The following GREP1 variants were observed in gnomAD, a reference collection of about 807,000 sequenced individuals.
GREP1 encodes the protein glycine rich extracellular protein 1.
chr16:2,994,724 C>G (rs2072415744), exon 11 of GREP1: 1 of 399,094 alleles, frequency 2.5e-6, no homozygotes. Context: ...TGGCTATAGA[C>G]CAGGTAGGGG....
chr16:2,989,762 G>A lies in GREP1; in HGVS notation c.130+210G>A, dbSNP rs117096357. 9.0e-3 allele frequency among the ~76,000 whole-genome samples: 1,368 copies of A among 152,156 alleles called. 15 individuals carry two copies. The highest frequency in any genetic ancestry group is 0.03 in the South Asian group (145 of 4,818). ...GGCAGGCAGGAAGAAATGGAGCGGG[G>A]AGGGAAGAAAGGAAAGAGAGCAGAA... On this transcript the variant is annotated intron_variant, in intron 3 of 34. Transcript: ENST00000573315. The surrounding 1 kb of genome is among the most constrained non-coding windows in gnomAD (Gnocchi z 4.2).
chr16:2,994,498 A>G, intron 10 of GREP1, 200 bp from the exon 12 acceptor site: 2 of 386,596 alleles, frequency 5.2e-6, no homozygotes, highest in Non-Finnish European at 9.1e-6. Context: ...AACAAGAGCG[A>G]GACTCCATCT....
At position 2,991,252 on chromosome 16, in the gene GREP1, G is replaced by A; in HGVS notation, c.322+151G>A. On this transcript the variant is annotated intron_variant, in intron 8 of 34. Transcript: ENST00000573315. The surrounding 1 kb of genome is among the most constrained non-coding windows in gnomAD (Gnocchi z 4.9). ...TGTCCCTTCCCAGGCCTGGGAGTGG[G>A]CGTGAAACCTCCGAAGCCAGGTGAG... 2.5e-6 allele frequency: 1 copy of A among 396,844 alleles called. No homozygotes were observed. The highest frequency in any genetic ancestry group is 4.4e-6 in the Non-Finnish European group (1 of 225,398). 24.6% of individuals were successfully genotyped at this position (396,844 alleles called of 1,614,324 possible). A position where few individuals can be genotyped will look rare whatever the true frequency, so the allele number is the denominator to read the frequency against.
Position 2,994,937 on chromosome 16 carries a change from C to G in GREP1, c.459C>G (p.Tyr153Ter), listed in dbSNP as rs1270608501. 2.5e-6 allele frequency: 1 copy of G among 398,940 alleles called. No homozygotes were observed. The highest frequency in any genetic ancestry group is 2.1e-5 in the African/African-American group (1 of 48,578). The allele number at this position is 398,940 out of a possible 1,614,324, so 24.7% of individuals were successfully genotyped here. A position where few individuals can be genotyped will look rare whatever the true frequency, so the allele number is the denominator to read the frequency against. Residue 153 changes from tyrosine to a stop codon, truncating the protein, a stop_gained, in exon 13 of 35, where the codon TAC (tyrosine) becomes TAG (stop). Coordinates refer to ENST00000573315, the Ensembl canonical transcript of GREP1. LOFTEE classifies it high-confidence loss of function. Reference sequence around the variant, plus strand: ...GATCTATTCCCCCAGGATTCCAGTACAGAATTGGGCTGGGAGCCCAGCCAG... The same window carrying G: ...GATCTATTCCCCCAGGATTCCAGTAGAGAATTGGGCTGGGAGCCCAGCCAG...
intron 22 of GREP1, 144 bp from the exon 21 acceptor site, chr16:2,997,659 C>G (rs1474375062): frequency 1.5e-5 from 6 of 397,850 alleles, no homozygotes; most frequent in Middle Eastern, 6.2e-4. Context: ...CCATGCCGCC[C>G]CCACAGACCC....
intron 2 of GREP1, chr16:2,988,837 C>T: frequency 5.1e-6 from 2 of 394,634 alleles, no homozygotes; most frequent in Non-Finnish European, 8.9e-6. Context: ...GAACATGCAG[C>T]CCTGAGGACG....
chr16:2,989,741 G>A lies in GREP1; in HGVS notation c.130+189G>A, dbSNP rs1388683480. Among the ~76,000 whole-genome samples the A allele has an allele frequency of 6.6e-6, 1 of 152,062 alleles. No individual in the cohort carries two copies. The highest frequency in any genetic ancestry group is 6.5e-5 in the Admixed American group (1 of 15,276). ...CCCTGGCTGGGGAGAGGGGAAGGCA[G>A]GCAGGAAGAAATGGAGCGGGGAGGG... is the stretch of plus-strand genomic sequence containing the variant. On this transcript the variant is annotated intron_variant, in intron 3 of 34. Transcript: ENST00000573315. The surrounding 1 kb of genome is among the most constrained non-coding windows in gnomAD (Gnocchi z 4.2).
At chr16:2,999,364 C>T (rs959243818) in intron 27 of GREP1, 1 of 398,710 alleles carries the variant, frequency 2.5e-6, no homozygotes. Flanking sequence ...TAGGTCTATC[C>T]TCTGTCTCCA....
In GREP1 at chr16:2,999,072, G is replaced by T. The variant is rs879150423; in HGVS notation, c.1144+93G>T. ...GCTGCCATATCCCACTCTGTCCTCG[G>T]ATGCCAAGGCTCAGAGAGGGCAGTG... On this transcript the variant is annotated intron_variant, in intron 26 of 34. Coordinates refer to ENST00000573315, the Ensembl canonical transcript of GREP1. 3 of 398,568 alleles carry T rather than the reference G, an allele frequency of 7.5e-6. No homozygotes were observed. In the South Asian group the frequency reaches 4.0e-4, roughly 53 times the overall value. 24.7% of individuals were successfully genotyped at this position (398,568 alleles called of 1,614,324 possible).
intron 23 of GREP1, 21 bp from the exon 22 acceptor site, chr16:2,998,335 C>T (rs1027377472): frequency 1.0e-5 from 4 of 399,138 alleles, no homozygotes; most frequent in Non-Finnish European, 1.8e-5. Context: ...TCTGAACTGG[C>T]CTCTTTCTGT....
At position 2,989,893 on chromosome 16, in the gene GREP1, G is replaced by C. The variant is rs1435575010; in HGVS notation, c.131-81G>C. On this transcript the variant is annotated intron_variant, in intron 3 of 34. Transcript: ENST00000573315. The surrounding 1 kb of genome is among the most constrained non-coding windows in gnomAD (Gnocchi z 4.2). ...GGGACTGAGTTCCCACAGGCCCACT[G>C]CTTGGATAGGCTGTGGGCCAGGTGT... The C allele has an allele frequency of 7.5e-6, 3 of 398,820 alleles. No individual in the cohort carries two copies. Among genetic ancestry groups the C allele is most frequent in the African/African-American group, 6.2e-5 (3 of 48,608 alleles). 24.7% of individuals were successfully genotyped at this position (398,820 alleles called of 1,614,324 possible).
intron 22 of GREP1, chr16:2,997,427 G>T: frequency 2.5e-6 from 1 of 398,968 alleles, no homozygotes; most frequent in Non-Finnish European, 4.4e-6. Flanking sequence ...AGGTACTGGG[G>T]GGCTGGAGTT....
At position 2,991,073 on chromosome 16, in the gene GREP1, G is replaced by A. The variant is rs1271177476; in HGVS notation, c.294G>A (p.Ala98=). The change falls in exon 8 of 35, where the codon GCG becomes GCA. Residue 98 remains alanine, a synonymous_variant. Coordinates refer to ENST00000573315, the Ensembl canonical transcript of GREP1. This position sits in a 1 kb window ranked among gnomAD's most constrained non-coding sequence, Gnocchi z 4.9. ...GATATGGAAACGGGCTGGGAGCAGCGGCCTTCCCAGTGGCCGGAGCCCAGT... is the reference window on the plus strand; with the variant it reads ...GATATGGAAACGGGCTGGGAGCAGCAGCCTTCCCAGTGGCCGGAGCCCAGT... The A allele has an allele frequency of 1.8e-5, 7 of 399,064 alleles. No individual in the cohort carries two copies. Among genetic ancestry groups the A allele is most frequent in the African/African-American group, 1.0e-4 (5 of 48,586 alleles). The allele number at this position is 399,064 out of a possible 1,614,324, so 24.7% of individuals were successfully genotyped here.
Position 2,989,642 on chromosome 16 carries a change from G to T in GREP1, c.130+90G>T. 1 of 399,332 alleles carries T rather than the reference G, an allele frequency of 2.5e-6. No individual in the cohort carries two copies. Among genetic ancestry groups the T allele is most frequent in the South Asian group, 1.3e-4 (1 of 7,778 alleles). The allele number at this position is 399,332 out of a possible 1,614,324, so 24.7% of individuals were successfully genotyped here. Reference sequence around the variant, plus strand: ...CAGGAACAGGGAAAGCTGGGCGGGGGGCAGGTAAAGGGGGAAGCAGTCGTC... The same window carrying T: ...CAGGAACAGGGAAAGCTGGGCGGGGTGCAGGTAAAGGGGGAAGCAGTCGTC... On this transcript the variant is annotated intron_variant, in intron 3 of 34. Transcript: ENST00000573315. The surrounding 1 kb of genome is among the most constrained non-coding windows in gnomAD (Gnocchi z 4.2).
At chr16:3,001,495 G>C in intron 34 of GREP1, 66 bp from the exon 29 acceptor site, 1 of 399,132 alleles carries the variant, frequency 2.5e-6, no homozygotes, top group Non-Finnish European at 4.4e-6. Context: ...GTCCCTGGGA[G>C]GGGAGGAGGG....
exon 35 of GREP1, chr16:3,001,932 G>C: frequency 3.2e-6 from 1 of 316,264 alleles, no homozygotes; most frequent in Non-Finnish European, 5.7e-6. Context: ...ATCCAAGTTA[G>C]GGGCCTTGTG....
chr16:2,998,760 T>A, intron 25 of GREP1, 88 bp from the exon 24 acceptor site: 1 of 398,850 alleles, frequency 2.5e-6, no homozygotes, highest in Admixed American at 4.4e-5. Flanking sequence ...TACAGGCCGG[T>A]GGCTTGGCCA....
chr16:3,000,130 T>C lies in GREP1; in HGVS notation c.1264+12T>C. 2.5e-6 allele frequency: 1 copy of C among 399,166 alleles called. No individual in the cohort carries two copies. The highest frequency in any genetic ancestry group is 4.4e-6 in the Non-Finnish European group (1 of 226,140). The allele number at this position is 399,166 out of a possible 1,614,324, so 24.7% of individuals were successfully genotyped here. A position where few individuals can be genotyped will look rare whatever the true frequency, so the allele number is the denominator to read the frequency against. ...GCCACAGAAAATTGGTGAGTCCTCC[T>C]GGGCCCCCGACCCATGTTGAGCGGA... is the stretch of plus-strand genomic sequence containing the variant. On this transcript the variant is annotated intron_variant, in intron 29 of 34. Coordinates refer to ENST00000573315, the Ensembl canonical transcript of GREP1.
intron 22 of GREP1, among the ~76,000 whole-genome samples, 167 bp from the exon 21 acceptor site, chr16:2,997,636 C>T (rs2072432788): frequency 1.3e-5 from 2 of 151,994 alleles, no homozygotes; most frequent in African/African-American, 4.8e-5. Flanking sequence ...CCCTTCTGTA[C>T]CCCAACCTCT....
Sources: allele counts gnomAD v4.1 joint callset (sites outside exome capture counted in the v4.1 genomes callset), GRCh38; gene constraint gnomAD v4.1.1; non-coding constraint Gnocchi (gnomAD v3.1); transcripts MANE v1.5; gene names NCBI Gene and HGNC (gene_info 2026-07-23, HGNC 2026-07-21).